Variants in ARMCX4 observed in about 807,000 individuals in gnomAD.
ARMCX4 encodes armadillo repeat containing X-linked 4, also known as armadillo repeat-containing X-linked protein 4.
Under a neutral mutation model 34.7 loss-of-function variants are expected in ARMCX4, and 3 were observed. The ratio of observed to expected loss-of-function variants is 0.09; its 90% CI spans 0.04 to 0.22. ARMCX4 has a LOEUF of 0.22. Ranked by LOEUF, ARMCX4 falls within the 10% of genes least tolerant of loss-of-function variation. The pLI, the probability that ARMCX4 is intolerant of heterozygous loss-of-function variation, is 1.00. For synonymous variants in ARMCX4, 513 were observed against 632.8 expected (o/e 0.81, Z 2.84); for missense variants, 1,448 against 1,720.8 (o/e 0.84, Z 2.81).
chrX:101,436,884 C>A (rs1233119246), intron 2 of ARMCX4, among the ~76,000 whole-genome samples: 2 of 111,852 alleles, frequency 1.8e-5, no homozygotes, highest in Admixed American at 1.9e-4. Context: ...AAGGCCTTTT[C>A]TGCATCTATT....
At chrX:101,505,700 CCTT>C (rs1246443527) in intron 8 of ARMCX4, among the ~76,000 whole-genome samples, 1 of 111,687 alleles carries the variant, frequency 9.0e-6, no homozygotes, top group Non-Finnish European at 1.9e-5. Flanking sequence ...CCTTGTACAT[CCTT>C]CTTTTTTCTT....
intron 7 of ARMCX4, among the ~76,000 whole-genome samples, chrX:101,502,354 C>T (rs142516392): frequency 0.017 from 1,919 of 112,377 alleles, 36 homozygotes; most frequent in African/African-American, 0.059. Context: ...ATCCTCCCAC[C>T]TCAGCCTCCT....
At chrX:101,434,253 T>TC (rs1181894913) in intron 2 of ARMCX4, among the ~76,000 whole-genome samples, 1 of 71,059 alleles carries the variant, frequency 1.4e-5, no homozygotes, top group East Asian at 4.1e-4. Flanking sequence ...GTTAGAGTAT[T>TC]CTTTTTTTTT....
chrX:101,488,939 C>T lies in ARMCX4; in HGVS notation c.350C>T (p.Ser117Phe). 1.7e-6 allele frequency: 2 copies of T among 1,156,119 alleles called. No homozygotes were observed. Among genetic ancestry groups the T allele is most frequent in the Non-Finnish European group, 2.3e-6 (2 of 873,070 alleles). Residue 117 changes from serine to phenylalanine, a missense_variant, in exon 6 of 6, where the codon TCC becomes TTC. By Grantham distance (155) the Ser-to-Phe change is radical (BLOSUM62 -2). Around this residue, in one of 2 missense-constraint regions of ARMCX4, gnomAD observed 1,343 missense variants for 1,540.7 expected, o/e 0.87. Transcript: ENST00000423738. The part of the protein sequence containing the change: ...VGAEPETQSE[S>F]KVVAGTLVMT... ...GCAGAGCCAGAGACTCAATCTGAGT[C>T]CAAAGTGGTGGCTGGAACACTGGTC...
At chrX:101,427,690 C>T (rs1030504061) in intron 2 of ARMCX4, among the ~76,000 whole-genome samples, 1 of 111,581 alleles carries the variant, frequency 9.0e-6, no homozygotes, top group African/African-American at 3.3e-5. Context: ...CGAGAGCTTT[C>T]TTGACACATC....
intron 4 of ARMCX4, among the ~76,000 whole-genome samples, chrX:101,458,243 A>G (rs1932413238): frequency 9.0e-6 from 1 of 111,167 alleles, no homozygotes; most frequent in Non-Finnish European, 1.9e-5. Context: ...TGATGCTCAA[A>G]TTTGCTGTTG....
chrX:101,463,304 A>G (rs981682202), intron 4 of ARMCX4, among the ~76,000 whole-genome samples: 1 of 111,009 alleles, frequency 9.0e-6, no homozygotes, highest in Admixed American at 9.6e-5. Flanking sequence ...CAAGAGAACT[A>G]TGCACTCTTT....
intron 2 of ARMCX4, among the ~76,000 whole-genome samples, chrX:101,431,079 C>G (rs1398752229): frequency 9.0e-6 from 1 of 111,346 alleles, no homozygotes; most frequent in Non-Finnish European, 1.9e-5. Flanking sequence ...AGATGTTCCC[C>G]TTTCAGCTTC....
intron 11 of ARMCX4, among the ~76,000 whole-genome samples, chrX:101,524,640 C>T (rs968968720): frequency 5.4e-5 from 6 of 111,999 alleles, no homozygotes; most frequent in African/African-American, 1.9e-4. Context: ...TCTTAGCAAA[C>T]GGCACACCAG....
chrX:101,479,787 A>G (rs782272016), intron 4 of ARMCX4, among the ~76,000 whole-genome samples: 33 of 110,913 alleles, frequency 3.0e-4, no homozygotes, highest in Non-Finnish European at 5.5e-4. Flanking sequence ...AGCTTAATCT[A>G]TAAATTGGAT....
chrX:101,532,893 T>G (rs1170273942), intron 12 of ARMCX4: 1 of 111,749 alleles, frequency 8.9e-6, no homozygotes, highest in East Asian at 2.8e-4. Context: ...ATTAGCATTA[T>G]CCCGTGACAG....
chrX:101,462,623 A>T (rs1386137329), intron 4 of ARMCX4, among the ~76,000 whole-genome samples: 1 of 99,894 alleles, frequency 1.0e-5, no homozygotes, highest in Non-Finnish European at 2.0e-5. Flanking sequence ...CTGGCGACAG[A>T]GTGAGACTCT....
chrX:101,501,393 G>A (rs1332705348), intron 7 of ARMCX4, among the ~76,000 whole-genome samples: 1 of 112,864 alleles, frequency 8.9e-6, no homozygotes, highest in Non-Finnish European at 1.9e-5. Context: ...CAAGCTGACG[G>A]TAAAAGAAGG....
chrX:101,425,308 C>T (rs1322490133), intron 2 of ARMCX4, among the ~76,000 whole-genome samples: 1 of 110,769 alleles, frequency 9.0e-6, no homozygotes, highest in African/African-American at 3.3e-5. Context: ...CATTGGTGTC[C>T]TGGATGGATC....
At chrX:101,524,895 A>G (rs1434770719) in intron 11 of ARMCX4, among the ~76,000 whole-genome samples, 1 of 111,874 alleles carries the variant, frequency 8.9e-6, no homozygotes, top group Non-Finnish European at 1.9e-5. Context: ...AGGCAGCAGA[A>G]ACTTCTGCAG....
intron 4 of ARMCX4, among the ~76,000 whole-genome samples, chrX:101,469,066 G>A (rs1339073902): frequency 8.9e-6 from 1 of 111,810 alleles, no homozygotes; most frequent in Non-Finnish European, 1.9e-5. Flanking sequence ...GTAAGATAAA[G>A]GTAATATCTT....
At chrX:101,499,185 T>C (rs1934243484), downstream of ARMCX4, 1 of 111,383 alleles carries the variant, frequency 9.0e-6, no homozygotes, top group Admixed American at 9.6e-5. Context: ...ATTAATCAAT[T>C]TGAAAGTGCT....
At chrX:101,531,000 AATTT>A (rs1935117596) in intron 11 of ARMCX4, among the ~76,000 whole-genome samples, 1 of 112,470 alleles carries the variant, frequency 8.9e-6, no homozygotes, top group Admixed American at 9.4e-5. Context: ...AAACAAGACA[AATTT>A]ATTATCATAC....
intron 2 of ARMCX4, among the ~76,000 whole-genome samples, chrX:101,423,827 A>G (rs1929436301): frequency 9.1e-6 from 1 of 110,137 alleles, no homozygotes; most frequent in South Asian, 3.9e-4. Flanking sequence ...GATGTAATCA[A>G]TCATGCCTAC....
Sources: gnomAD v4.1 joint callset for allele counts (sites outside exome capture counted in the v4.1 genomes callset) on GRCh38, gnomAD v4.1.1 for gene constraint, gnomAD v4.1.1 regional missense constraint, MANE v1.5 for transcripts, NCBI Gene and HGNC (gene_info 2026-07-23, HGNC 2026-07-21) for gene names.